INTS12: variants seen among roughly 807,000 people sequenced by gnomAD.
INTS12 encodes the protein integrator complex subunit 12, also known as PHD finger protein 22.
In INTS12, 13 loss-of-function variants were observed where a neutral mutation model predicts 41.6. The observed-to-expected ratio is 0.31, with a 90% CI of 0.20 to 0.50. The LOEUF (loss-of-function observed/expected upper bound fraction) is 0.50. INTS12 is among the 20% of genes least tolerant of loss of function. The pLI is 0.98. For synonymous variants in INTS12, 199 were observed against 191.4 expected, an observed-to-expected ratio of 1.04 and a Z score of -0.33; for missense variants, 432 against 541.6, an observed-to-expected ratio of 0.80 and a Z score of 2.01.
rs771258551 is a variant in INTS12 at position 105,682,950 on chromosome 4, C to T, written c.1172G>A (p.Ser391Asn). The change falls in exon 8 of 8, where the codon AGT becomes AAT. Residue 391 changes from serine (S) to asparagine (N), a missense_variant. By Grantham distance (46) the Ser-to-Asn change is conservative. Around this residue, in one of 3 missense-constraint regions of INTS12, gnomAD observed 258 missense variants for 309.9 expected, o/e 0.83. Transcript: ENST00000340139. ...GCTGCTGCTTCCTGGAACTAAACTA[C>T]TTGGACTAGGAAGACCTACTTTGCT... The part of the protein sequence containing the change: ...NVSKVGLPSP[S>N]SLVPGSSSQL... 1 of 1,614,006 alleles carries T rather than the reference C, an allele frequency of 6.2e-7. No individual in the cohort carries two copies. The highest frequency in any genetic ancestry group is 8.5e-7 in the Non-Finnish European group (1 of 1,179,990).
At chr4:105,699,370 C>T (rs555282184) in intron 3 of INTS12, among the ~76,000 whole-genome samples, 1 of 152,238 alleles carries the variant, frequency 6.6e-6, no homozygotes, top group East Asian at 1.9e-4. Context: ...CTGCCATTGG[C>T]TGCTTTGTTA....
chr4:105,689,050 C>T (rs1314441893), intron 6 of INTS12, among the ~76,000 whole-genome samples: 2 of 152,236 alleles, frequency 1.3e-5, no homozygotes, highest in East Asian at 1.9e-4. Flanking sequence ...AAAACCCCAC[C>T]TATTTCTAAA....
intron 3 of INTS12, among the ~76,000 whole-genome samples, chr4:105,699,104 C>A (rs1340606547): frequency 6.6e-6 from 1 of 152,148 alleles, no homozygotes; most frequent in Non-Finnish European, 1.5e-5. Context: ...TTCTTATTAT[C>A]CCCATTTTAC....
intron 5 of INTS12, 77 bp from the exon 6 acceptor site, chr4:105,692,212 G>C: frequency 7.3e-7 from 1 of 1,363,210 alleles, no homozygotes; most frequent in Non-Finnish European, 1.0e-6. Context: ...GGCCAGGTGT[G>C]CTGGCTCATG....
At chr4:105,691,119 C>G (rs2149181079) in intron 6 of INTS12, among the ~76,000 whole-genome samples, 1 of 152,212 alleles carries the variant, frequency 6.6e-6, no homozygotes, top group East Asian at 1.9e-4. Context: ...CGAGTTTTTA[C>G]TTTTAACTAA....
chr4:105,690,713 G>C (rs570119028), intron 6 of INTS12, among the ~76,000 whole-genome samples: 22 of 152,134 alleles, frequency 1.4e-4, no homozygotes, highest in African/African-American at 5.3e-4. Flanking sequence ...AAAAACTTGG[G>C]GGAAGAACAG....
At position 105,682,874 on chromosome 4, in the gene INTS12, A is replaced by T. The variant is rs776128246; in HGVS notation, c.1248T>A (p.Thr416=). The T allele has an allele frequency of 1.9e-6, 3 of 1,613,978 alleles. No individual in the cohort carries two copies. Among genetic ancestry groups the T allele is most frequent in the Non-Finnish European group, 2.5e-6 (3 of 1,179,980 alleles). Residue 416 remains threonine (T), a synonymous_variant, in exon 8 of 8, where the codon ACT becomes ACA. Transcript: ENST00000340139. ...NSGTSGPSGS[T]TSKTTSESSS... is the part of the protein sequence containing the mutation. Reference sequence around the variant, plus strand: ...TGGATTCTGAAGTAGTTTTGCTGGTAGTACTTCCACTAGGTCCTGATGTTC... The same window carrying T: ...TGGATTCTGAAGTAGTTTTGCTGGTTGTACTTCCACTAGGTCCTGATGTTC...
chr4:105,695,468 G>A lies in INTS12; in HGVS notation c.309+48C>T, dbSNP rs1463477637. The A allele has an allele frequency of 2.1e-6, 3 of 1,459,720 alleles. No individual in the cohort carries two copies. In the South Asian group the frequency reaches 3.7e-5, roughly 18 times the overall value. The allele number at this position is 1,459,720 out of a possible 1,614,324, so 90.4% of individuals were successfully genotyped here. The stretch of plus-strand genomic sequence containing the variant: ...TAAAACATTGTTTCTTTCTGCTTAT[G>A]GAACAACTAATTTACTTTCTTTTAA... On this transcript the variant is annotated intron_variant, in intron 4 of 7. Coordinates refer to ENST00000340139, the MANE Select transcript of INTS12 (RefSeq NM_020395.4).
At chr4:105,683,342 C>T (rs754317938) in intron 7 of INTS12, 25 bp from the exon 8 acceptor site, 5 of 1,509,764 alleles carry the variant, frequency 3.3e-6, no homozygotes, top group Admixed American at 4.0e-5. Flanking sequence ...TAAATAATTA[C>T]ATTAGAGCCA....
At chr4:105,708,145 CT>C in intron 1 of INTS12, 1 of 985,430 alleles carries the variant, frequency 1.0e-6, no homozygotes, top group Non-Finnish European at 1.2e-6. Flanking sequence ...CTGGATAACA[CT>C]GATACCTTAG....
At position 105,695,675 on chromosome 4, in the gene INTS12, G is replaced by A. The variant is rs1370863984; in HGVS notation, c.157-7C>T. ...TTTTGGGTGGCTCCACATCCTAAAA[G>A]ATGAAAAAAGGTACCAGTAATTAAA... is the stretch of plus-strand genomic sequence containing the variant. On this transcript the variant is annotated splice_region_variant and splice_polypyrimidine_tract_variant and intron_variant, in intron 3 of 7. Coordinates refer to ENST00000340139, the MANE Select transcript of INTS12 (RefSeq NM_020395.4). 6.2e-7 allele frequency: 1 copy of A among 1,602,530 alleles called. No homozygotes were observed. The highest frequency in any genetic ancestry group is 1.7e-5 in the Admixed American group (1 of 58,058).
At chr4:105,702,393 C>G (rs1209366696) in intron 2 of INTS12, among the ~76,000 whole-genome samples, 2 of 152,100 alleles carry the variant, frequency 1.3e-5, no homozygotes, top group African/African-American at 2.4e-5. Flanking sequence ...GCCTCGGCCT[C>G]CCAAAGTGCT....
intron 3 of INTS12, among the ~76,000 whole-genome samples, chr4:105,696,017 G>C (rs1731851915): frequency 6.6e-6 from 1 of 151,888 alleles, no homozygotes; most frequent in Admixed American, 6.6e-5. Context: ...ACACCCGGCT[G>C]ATTTTTGTAG....
At position 105,701,866 on chromosome 4, in the gene INTS12, T is replaced by C. The variant is rs184889390; in HGVS notation, c.-10+1782A>G. Reference sequence around the variant, plus strand: ...AATGAAAGCCAAGTATTTATTGCTATGTATTTCTACAATCACAGGTAAGAG... The same window carrying C: ...AATGAAAGCCAAGTATTTATTGCTACGTATTTCTACAATCACAGGTAAGAG... On this transcript the variant is annotated intron_variant, in intron 2 of 7. Transcript: ENST00000340139. Among the ~76,000 whole-genome samples the C allele has an allele frequency of 5.3e-5, 8 of 152,328 alleles. No individual in the cohort carries two copies. In the East Asian group the frequency reaches 1.5e-3, roughly 29 times the overall value.
chr4:105,683,113 C>T lies in INTS12; in HGVS notation c.1009G>A (p.Ala337Thr), dbSNP rs764127467. The change falls in exon 8 of 8, where the codon GCA (alanine) becomes ACA (threonine). Residue 337 changes from alanine to threonine, a missense_variant. Ala to Thr is a moderately conservative substitution (Grantham distance 58). This residue lies in a region of INTS12 where 258 missense variants were observed against 309.9 expected (regional missense o/e 0.83). Coordinates refer to ENST00000340139, the MANE Select transcript of INTS12 (RefSeq NM_020395.4). The part of the protein sequence containing the change: ...NQKPVGLTGL[A>T]TSSKGGIGSK... ...CCTATTCCACCTTTGGATGATGTTGCCAGACCAGTCAAACCCACAGGTTTC... is the reference window on the plus strand; with the variant it reads ...CCTATTCCACCTTTGGATGATGTTGTCAGACCAGTCAAACCCACAGGTTTC... The T allele has an allele frequency of 2.5e-6, 4 of 1,614,068 alleles. No individual in the cohort carries two copies. The highest frequency in any genetic ancestry group is 3.4e-6 in the Non-Finnish European group (4 of 1,179,962).
At chr4:105,694,911 C>T (rs1731805974) in intron 4 of INTS12, among the ~76,000 whole-genome samples, 1 of 151,896 alleles carries the variant, frequency 6.6e-6, no homozygotes, top group African/African-American at 2.4e-5. Flanking sequence ...ATACTCTTTC[C>T]CATCTTTTCT....
At chr4:105,698,920 T>C (rs1230267685) in intron 3 of INTS12, among the ~76,000 whole-genome samples, 1 of 152,110 alleles carries the variant, frequency 6.6e-6, no homozygotes, top group Non-Finnish European at 1.5e-5. Context: ...CAGACCTGAG[T>C]GATTTGGAGT....
intron 6 of INTS12, among the ~76,000 whole-genome samples, chr4:105,691,659 C>T (rs1364789173): frequency 6.6e-6 from 1 of 152,176 alleles, no homozygotes; most frequent in Non-Finnish European, 1.5e-5. Flanking sequence ...CACCACTTCT[C>T]AGTGCTGCAT....
intron 3 of INTS12, among the ~76,000 whole-genome samples, chr4:105,699,305 T>C (rs368418043): frequency 1.3e-5 from 2 of 152,172 alleles, no homozygotes; most frequent in African/African-American, 4.8e-5. Flanking sequence ...AAGATTTAAG[T>C]GGGATTTAAA....
Sources: allele counts gnomAD v4.1 joint callset (sites outside exome capture counted in the v4.1 genomes callset), GRCh38; gene constraint gnomAD v4.1.1; regional missense constraint gnomAD v4.1.1; transcripts MANE v1.5; gene names NCBI Gene and HGNC (gene_info 2026-07-23, HGNC 2026-07-21).